The following ATF7IP variants were observed in gnomAD, a reference collection of about 807,000 sequenced individuals.
ATF7IP encodes the protein activating transcription factor 7 interacting protein.
A neutral mutation model predicts 106.4 loss-of-function variants in ATF7IP; 23 were observed. The ratio of observed to expected loss-of-function variants is 0.22; its 90% CI spans 0.16 to 0.31. The LOEUF (loss-of-function observed/expected upper bound fraction) is 0.31, where lower values mean the gene tolerates loss of function less well. ATF7IP is among the 10% of genes least tolerant of loss of function. The pLI, the probability that ATF7IP is intolerant of heterozygous loss-of-function variation, is 1.00. For missense variants in ATF7IP, 1,334 were observed against 1,524.3 expected (o/e 0.88, Z 2.08); for synonymous variants, 542 against 539.0 (o/e 1.01, Z -0.08).
At chr12:14,406,080 A>C (rs1232633350) in intron 1 of ATF7IP, among the ~76,000 whole-genome samples, 1 of 152,132 alleles carries the variant, frequency 6.6e-6, no homozygotes, top group African/African-American at 2.4e-5. Flanking sequence ...GGGATTATTA[A>C]ATGTTCTCAC....
At chr12:14,421,979 T>C (rs966428423) in intron 1 of ATF7IP, among the ~76,000 whole-genome samples, 3 of 152,064 alleles carry the variant, frequency 2.0e-5, no homozygotes, top group Non-Finnish European at 4.4e-5. Context: ...TGATGGAAAT[T>C]AGAAAATATT....
At chr12:14,473,619 G>T (rs1449939647) in intron 10 of ATF7IP, among the ~76,000 whole-genome samples, 2 of 151,790 alleles carry the variant, frequency 1.3e-5, no homozygotes, top group Non-Finnish European at 2.9e-5. Context: ...ACCTTTTCTG[G>T]TCCTCTTCTT....
At chr12:14,452,847 GT>G (rs1312684932) in intron 6 of ATF7IP, among the ~76,000 whole-genome samples, 9 of 151,934 alleles carry the variant, frequency 5.9e-5, no homozygotes, top group Non-Finnish European at 1.5e-5. Flanking sequence ...ACACTCTTTA[GT>G]TTCCACGTGA....
At chr12:14,381,527 G>A (rs1047341132) in intron 1 of ATF7IP, among the ~76,000 whole-genome samples, 1 of 152,042 alleles carries the variant, frequency 6.6e-6, no homozygotes, top group African/African-American at 2.4e-5. Context: ...CATCGTGTCC[G>A]GCTGGTCCTG....
chr12:14,401,192 C>T (rs1489079457), intron 1 of ATF7IP, among the ~76,000 whole-genome samples: 1 of 151,798 alleles, frequency 6.6e-6, no homozygotes. Flanking sequence ...TTATTTGTTA[C>T]GTTTTGTTTT....
At chr12:14,389,692 ATC>A (rs1939440115) in intron 1 of ATF7IP, among the ~76,000 whole-genome samples, 1 of 152,024 alleles carries the variant, frequency 6.6e-6, no homozygotes, top group South Asian at 2.1e-4. Context: ...CAATGGCGCG[ATC>A]TCGGCTCACC....
At chr12:14,440,633 G>A (rs1173137292) in intron 5 of ATF7IP, among the ~76,000 whole-genome samples, 3 of 134,606 alleles carry the variant, frequency 2.2e-5, no homozygotes, top group East Asian at 4.4e-4. Context: ...ATAAAATTCA[G>A]ATACCAAACT....
chr12:14,467,540 A>G (rs961780797), intron 10 of ATF7IP, among the ~76,000 whole-genome samples: 2 of 152,230 alleles, frequency 1.3e-5, no homozygotes, highest in Admixed American at 6.5e-5. Flanking sequence ...AATTAAAATT[A>G]TAAGATTGAG....
chr12:14,498,861 TTTA>T lies in ATF7IP; in HGVS notation c.*789_*791del. Reference sequence around the variant, plus strand: ...ACAACTCCTCAAGTAATTTTTTTTTTTTAAGATGGAGTTTTGCTCTTGTTGCCC... The same window carrying T: ...ACAACTCCTCAAGTAATTTTTTTTTTAGATGGAGTTTTGCTCTTGTTGCCC... On this transcript the variant is annotated 3_prime_UTR_variant, in exon 15 of 15. Coordinates refer to ENST00000261168, the MANE Select transcript of ATF7IP (RefSeq NM_018179.5). 1 of 152,982 alleles carries T rather than the reference TTTA, an allele frequency of 6.5e-6. No individual in the cohort carries two copies. The highest frequency in any genetic ancestry group is 1.5e-5 in the Non-Finnish European group (1 of 68,692). 9.5% of individuals were successfully genotyped at this position (152,982 alleles called of 1,614,324 possible).
chr12:14,405,539 G>A (rs942838904), intron 1 of ATF7IP, among the ~76,000 whole-genome samples: 18 of 148,910 alleles, frequency 1.2e-4, no homozygotes, highest in African/African-American at 4.2e-4. Context: ...CTCAGCCTCC[G>A]GAGTAGCTGG....
chr12:14,484,820 A>G (rs1944545542), intron 13 of ATF7IP, among the ~76,000 whole-genome samples: 1 of 152,170 alleles, frequency 6.6e-6, no homozygotes, highest in Admixed American at 6.5e-5. Context: ...TACTGCTTCC[A>G]TTTGATGATG....
intron 1 of ATF7IP, among the ~76,000 whole-genome samples, chr12:14,403,214 T>C (rs17343119): frequency 0.02 from 3,089 of 152,326 alleles, 34 homozygotes; most frequent in Middle Eastern, 0.031. Flanking sequence ...TAGTGTCTTT[T>C]CAATTTCTGT....
chr12:14,410,551 A>G (rs1461499518), intron 1 of ATF7IP, among the ~76,000 whole-genome samples: 1 of 152,194 alleles, frequency 6.6e-6, no homozygotes, highest in Non-Finnish European at 1.5e-5. Context: ...GAGAAGCTGT[A>G]AAGTGCTTCC....
chr12:14,433,277 G>T (rs926140664), intron 2 of ATF7IP, among the ~76,000 whole-genome samples: 1 of 151,994 alleles, frequency 6.6e-6, no homozygotes, highest in Non-Finnish European at 1.5e-5. Context: ...GAGGCTGAGG[G>T]GGGTGGATCA....
In ATF7IP at chr12:14,502,282, GAC is replaced by G. The variant is rs1189578768; in HGVS notation, c.*4215_*4216del. 2 of 151,920 alleles carry G rather than the reference GAC, an allele frequency of 1.3e-5. No homozygotes were observed. The highest frequency in any genetic ancestry group is 2.9e-5 in the Non-Finnish European group (2 of 67,986). 9.4% of individuals were successfully genotyped at this position (151,920 alleles called of 1,614,324 possible). A position where few individuals can be genotyped will look rare whatever the true frequency, so the allele number is the denominator to read the frequency against. On this transcript the variant is annotated 3_prime_UTR_variant, in exon 15 of 15. Coordinates refer to ENST00000261168, the MANE Select transcript of ATF7IP (RefSeq NM_018179.5). ...AATTATTATTATTTTTAACTTTTGG[GAC>G]ACACAAAAATCAGCAATTCTCATGA... is the stretch of plus-strand genomic sequence containing the variant.
At position 14,424,815 on chromosome 12, in the gene ATF7IP, T is replaced by A. The variant is rs759274060; in HGVS notation, c.900T>A (p.Val300=). 2.1e-5 allele frequency: 34 copies of A among 1,613,990 alleles called. No individual in the cohort carries two copies. The highest frequency in any genetic ancestry group is 2.8e-5 in the Non-Finnish European group (33 of 1,180,018). The change falls in exon 2 of 15, where the codon GTT becomes GTA. Residue 300 remains valine, a synonymous_variant. Coordinates refer to ENST00000261168, the MANE Select transcript of ATF7IP (RefSeq NM_018179.5). ...EPKSVPVCEP[V]PEIDNIEPSS... The stretch of plus-strand genomic sequence containing the variant: ...AGTCTGTACCAGTTTGTGAACCAGT[T>A]CCTGAAATTGACAATATAGAACCAA...
At chr12:14,436,699 T>A (rs1942414056) in intron 4 of ATF7IP, among the ~76,000 whole-genome samples, 2 of 151,578 alleles carry the variant, frequency 1.3e-5, no homozygotes, top group African/African-American at 2.4e-5. Context: ...CTCAAAAAAA[T>A]AATAAATAAA....
intron 1 of ATF7IP, among the ~76,000 whole-genome samples, chr12:14,417,522 G>T (rs1356449535): frequency 6.6e-6 from 1 of 151,920 alleles, no homozygotes; most frequent in East Asian, 1.9e-4. Context: ...TATATGTATG[G>T]TCTATGGAAT....
rs1245956470 is a variant in ATF7IP, at chr12:14,461,119, C to T, written c.2783C>T (p.Thr928Ile). 1 of 1,611,490 alleles carries T rather than the reference C, an allele frequency of 6.2e-7. No homozygotes were observed. Among genetic ancestry groups the T allele is most frequent in the Non-Finnish European group, 8.5e-7 (1 of 1,178,046 alleles). ...TCTGCTGCAGAACAGAACAGCAATA[C>T]CACCCCAAGAATTGGTAAGTCACCA... ...TSSAAEQNSNTTPRIENQTNK... is the reference protein window; with the variant it reads ...TSSAAEQNSNITPRIENQTNK... Residue 928 changes from threonine (T) to isoleucine (I), a missense_variant, in exon 9 of 15, where the codon ACC (threonine) becomes ATC (isoleucine). Thr to Ile is a moderately conservative substitution (Grantham distance 89). Around this residue, in one of 10 missense-constraint regions of ATF7IP, gnomAD observed 370 missense variants for 401.2 expected, o/e 0.92. Coordinates refer to ENST00000261168, the MANE Select transcript of ATF7IP (RefSeq NM_018179.5).
Sources: gnomAD v4.1 joint callset for allele counts (sites outside exome capture counted in the v4.1 genomes callset) on GRCh38, gnomAD v4.1.1 for gene constraint, gnomAD v4.1.1 regional missense constraint, MANE v1.5 for transcripts, NCBI Gene and HGNC (gene_info 2026-07-23, HGNC 2026-07-21) for gene names.